CTNNA2: variants seen among roughly 807,000 people sequenced by gnomAD.
CTNNA2 encodes the protein catenin alpha 2, also known as catenin alpha-2.
In CTNNA2, 42 loss-of-function variants were observed where a neutral mutation model predicts 101.0. The ratio of observed to expected loss-of-function variants is 0.42; its 90% CI spans 0.32 to 0.54. The LOEUF is 0.54. Among genes scored for constraint, CTNNA2 ranks in the 20% least tolerant of loss-of-function variants. The pLI, the probability that CTNNA2 is intolerant of heterozygous loss-of-function variation, is 0.14. For synonymous variants in CTNNA2, 450 were observed against 456.4 expected, an observed-to-expected ratio of 0.99 and a Z score of 0.18; for missense variants, 871 against 1,223.1, an observed-to-expected ratio of 0.71 and a Z score of 4.29.
chr2:80,274,793 A>G (rs140222306), intron 7 of CTNNA2, among the ~76,000 whole-genome samples: 7 of 152,060 alleles, frequency 4.6e-5, no homozygotes, highest in African/African-American at 1.7e-4. Flanking sequence ...AGCTCTCACA[A>G]CTCAACTTAC....
At chr2:80,105,841 G>T (rs1480319689) in intron 7 of CTNNA2, among the ~76,000 whole-genome samples, 2 of 152,176 alleles carry the variant, frequency 1.3e-5, no homozygotes, top group African/African-American at 4.8e-5. Context: ...AATCATGTGT[G>T]TGTTTCACCC....
At chr2:79,314,544 G>A (rs1394659173) in intron 3 of CTNNA2, among the ~76,000 whole-genome samples, 4 of 152,242 alleles carry the variant, frequency 2.6e-5, no homozygotes, top group African/African-American at 9.6e-5. Context: ...AAGGCTCAGA[G>A]AATAGAGACC....
At chr2:79,448,368 A>G in intron 4 of CTNNA2, among the ~76,000 whole-genome samples, 1 of 152,088 alleles carries the variant, frequency 6.6e-6, no homozygotes, top group South Asian at 2.1e-4. Flanking sequence ...CTTCAAAATA[A>G]GCCACATATT....
At chr2:79,690,970 G>T (rs986859408) in intron 2 of CTNNA2, among the ~76,000 whole-genome samples, 2 of 152,072 alleles carry the variant, frequency 1.3e-5, no homozygotes, top group African/African-American at 4.8e-5. Flanking sequence ...GATATCATAT[G>T]TAATAAGAAA....
intron 2 of CTNNA2, among the ~76,000 whole-genome samples, chr2:79,739,973 A>G (rs1037841255): frequency 1.3e-5 from 2 of 152,186 alleles, no homozygotes; most frequent in Non-Finnish European, 2.9e-5. Flanking sequence ...TCTTTAGTAT[A>G]TCTTGGTTCT....
intron 8 of CTNNA2, among the ~76,000 whole-genome samples, chr2:80,399,246 G>T (rs543207195): frequency 1.3e-5 from 2 of 152,126 alleles, no homozygotes; most frequent in African/African-American, 4.8e-5. Flanking sequence ...AACCCTAAAT[G>T]TCAGAGCACC....
At chr2:80,066,779 T>C (rs1206243924) in intron 7 of CTNNA2, among the ~76,000 whole-genome samples, 1 of 152,192 alleles carries the variant, frequency 6.6e-6, no homozygotes, top group African/African-American at 2.4e-5. Flanking sequence ...AAAAGATATA[T>C]GCACTTCCAT....
intron 2 of CTNNA2, among the ~76,000 whole-genome samples, chr2:79,228,744 T>C (rs2104234523): frequency 6.6e-6 from 1 of 152,216 alleles, no homozygotes; most frequent in East Asian, 1.9e-4. Context: ...GGGCAGAAGC[T>C]CTTTAGTTGA....
At chr2:79,304,707 T>C (rs915457047) in intron 2 of CTNNA2, among the ~76,000 whole-genome samples, 20 of 152,194 alleles carry the variant, frequency 1.3e-4, no homozygotes, top group African/African-American at 4.1e-4. Context: ...CTATTGTGGT[T>C]ATAAAGATGA....
intron 3 of CTNNA2, among the ~76,000 whole-genome samples, chr2:79,778,509 C>G (rs1027591089): frequency 1.3e-5 from 2 of 151,984 alleles, no homozygotes; most frequent in Non-Finnish European, 2.9e-5. Context: ...GAAAAAAAAC[C>G]TACTTGGTCA....
intron 7 of CTNNA2, among the ~76,000 whole-genome samples, chr2:79,990,408 A>G (rs536795134): frequency 2.4e-4 from 37 of 152,094 alleles, no homozygotes; most frequent in Non-Finnish European, 5.0e-4. Flanking sequence ...GTGATCACAG[A>G]TATTAGAGAA....
At chr2:79,396,920 C>G (rs1678239664) in intron 4 of CTNNA2, among the ~76,000 whole-genome samples, 1 of 152,062 alleles carries the variant, frequency 6.6e-6, no homozygotes, top group African/African-American at 2.4e-5. Context: ...TTTGTTATAG[C>G]AGTGGTTCTC....
At chr2:80,597,048 G>A (rs1056710186) in intron 15 of CTNNA2, among the ~76,000 whole-genome samples, 6 of 152,050 alleles carry the variant, frequency 3.9e-5, no homozygotes, top group African/African-American at 1.5e-4. Context: ...TGCATCCCAG[G>A]GATGAACTCA....
chr2:80,629,198 TC>T (rs1274154344), intron 18 of CTNNA2, among the ~76,000 whole-genome samples: 1 of 152,112 alleles, frequency 6.6e-6, no homozygotes, highest in East Asian at 1.9e-4. Context: ...TTATATCATG[TC>T]TACCCCAAGG....
At chr2:79,979,989 C>T (rs540520364) in intron 7 of CTNNA2, among the ~76,000 whole-genome samples, 78 of 152,286 alleles carry the variant, frequency 5.1e-4, no homozygotes, top group South Asian at 1.2e-3. Context: ...GATGTTGCAT[C>T]CGATGACCTC....
At chr2:80,272,166 T>C (rs1261606317) in intron 7 of CTNNA2, among the ~76,000 whole-genome samples, 1 of 152,260 alleles carries the variant, frequency 6.6e-6, no homozygotes, top group African/African-American at 2.4e-5. Context: ...AATGTATTAT[T>C]CATATCTACA....
chr2:80,625,396 C>T (rs1671579414), intron 18 of CTNNA2, among the ~76,000 whole-genome samples: 1 of 151,832 alleles, frequency 6.6e-6, no homozygotes, highest in African/African-American at 2.4e-5. Context: ...ATACTATCAT[C>T]CCCATTGAAA....
chr2:79,939,343 T>C (rs1391697494), intron 7 of CTNNA2, among the ~76,000 whole-genome samples: 1 of 152,224 alleles, frequency 6.6e-6, no homozygotes, highest in Non-Finnish European at 1.5e-5. Context: ...TTTCCATCCG[T>C]CTGTCCATTA....
intron 1 of CTNNA2, among the ~76,000 whole-genome samples, chr2:79,611,221 AT>A (rs968506414): frequency 5.9e-5 from 9 of 152,172 alleles, no homozygotes; most frequent in Non-Finnish European, 1.5e-5. Context: ...TATTTCTGAA[AT>A]ATTTTTCTTT....
Sources: gnomAD v4.1 joint callset for allele counts (sites outside exome capture counted in the v4.1 genomes callset) on GRCh38, gnomAD v4.1.1 for gene constraint, MANE v1.5 for transcripts, NCBI Gene and HGNC (gene_info 2026-07-23, HGNC 2026-07-21) for gene names.